Variants in LRMDA observed in about 807,000 individuals in gnomAD.
LRMDA encodes the protein leucine-rich melanocyte differentiation-associated protein.
In LRMDA, 18 loss-of-function variants were observed where a neutral mutation model predicts 29.8. The observed-to-expected ratio is 0.60, with a 90% CI of 0.42 to 0.90. The LOEUF (loss-of-function observed/expected upper bound fraction) is 0.90, where lower values mean the gene tolerates loss of function less well. Among genes scored for constraint, LRMDA ranks in the 40% least tolerant of loss-of-function variants. The pLI is 0.00. For missense variants in LRMDA, 273 were observed against 273.9 expected (o/e 1.00, Z 0.02); for synonymous variants, 125 against 109.4 (o/e 1.14, Z -0.89).
At chr10:75,611,235 G>C (rs1841027926) in intron 2 of LRMDA, among the ~76,000 whole-genome samples, 1 of 152,150 alleles carries the variant, frequency 6.6e-6, no homozygotes, top group Non-Finnish European at 1.5e-5. Context: ...GTGCAGCCCT[G>C]ATCTACTCTC....
chr10:76,102,484 T>C (rs956632536), intron 5 of LRMDA, among the ~76,000 whole-genome samples: 4 of 152,216 alleles, frequency 2.6e-5, no homozygotes, highest in African/African-American at 9.6e-5. Flanking sequence ...GAACCTGCAG[T>C]ATTTGGCTTT....
intron 2 of LRMDA, among the ~76,000 whole-genome samples, chr10:75,586,876 C>T (rs546372667): frequency 3.3e-5 from 5 of 151,248 alleles, no homozygotes; most frequent in African/African-American, 7.3e-5. Context: ...TGGAGATTAA[C>T]CTCTTATCAG....
intron 2 of LRMDA, among the ~76,000 whole-genome samples, chr10:75,802,333 G>A (rs28670899): frequency 7.4e-5 from 8 of 108,582 alleles, no homozygotes; most frequent in South Asian, 3.2e-4. Flanking sequence ...ACACACACAC[G>A]CGCACACACA....
chr10:76,119,533 C>A (rs1264016865), intron 5 of LRMDA, among the ~76,000 whole-genome samples: 1 of 152,062 alleles, frequency 6.6e-6, no homozygotes, highest in Non-Finnish European at 1.5e-5. Flanking sequence ...GGTTTTCTGC[C>A]CATCCTGTGA....
intron 2 of LRMDA, among the ~76,000 whole-genome samples, chr10:75,715,327 T>G (rs747504190): frequency 2.0e-4 from 31 of 152,158 alleles, no homozygotes; most frequent in Admixed American, 7.9e-4. Flanking sequence ...TTTTCCTTAT[T>G]ATAAAGACAA....
chr10:75,923,819 C>A (rs1428600101), intron 2 of LRMDA, among the ~76,000 whole-genome samples: 2 of 152,010 alleles, frequency 1.3e-5, no homozygotes, highest in Non-Finnish European at 2.9e-5. Context: ...CTTTTTTGCA[C>A]CCCTCCCTTA....
At chr10:75,491,170 T>G (rs1844982367) in intron 2 of LRMDA, among the ~76,000 whole-genome samples, 1 of 152,230 alleles carries the variant, frequency 6.6e-6, no homozygotes, top group South Asian at 2.1e-4. Flanking sequence ...TGTAGGCATT[T>G]TATTATGTAG....
intron 2 of LRMDA, among the ~76,000 whole-genome samples, chr10:75,823,283 T>C (rs565579022): frequency 3.6e-4 from 55 of 152,004 alleles, no homozygotes; most frequent in African/African-American, 1.1e-3. Context: ...AATAACCCAT[T>C]AAAAAGTGGG....
chr10:76,133,848 G>T (rs113052701), intron 5 of LRMDA, among the ~76,000 whole-genome samples: 4 of 152,266 alleles, frequency 2.6e-5, no homozygotes, highest in South Asian at 2.1e-4. Flanking sequence ...GGATGGGAAG[G>T]GGGGAGATGA....
At chr10:75,521,794 TCA>T in intron 2 of LRMDA, among the ~76,000 whole-genome samples, 1 of 152,356 alleles carries the variant, frequency 6.6e-6, no homozygotes, top group South Asian at 2.1e-4. Context: ...TCTGCATTGA[TCA>T]CACTAGGAGC....
In LRMDA at chr10:76,360,613, C is replaced by A. The variant is rs567378325; in HGVS notation, c.601+36128C>A. ...AAGGTTTATAACAATTTCTAACCAA[C>A]TTGTTTAATCCCCACAGTTCTGTGA... On this transcript the variant is annotated intron_variant, in intron 6 of 6. Transcript: ENST00000611255. Among the ~76,000 whole-genome samples, 19 of 152,272 alleles carry A rather than the reference C, an allele frequency of 1.2e-4. No homozygotes were observed. The South Asian group carries it at 3.9e-3, about 32-fold the overall frequency.
intron 5 of LRMDA, among the ~76,000 whole-genome samples, chr10:76,225,386 C>T (rs573144813): frequency 1.3e-5 from 2 of 151,914 alleles, no homozygotes; most frequent in Admixed American, 1.3e-4. Flanking sequence ...CACCGCACTC[C>T]AGCCTCAGTG....
intron 6 of LRMDA, among the ~76,000 whole-genome samples, chr10:76,364,612 G>A (rs1841366822): frequency 6.6e-6 from 1 of 152,044 alleles, no homozygotes; most frequent in Admixed American, 6.6e-5. Flanking sequence ...AGGGAAAAAG[G>A]ATATTAATTA....
chr10:76,180,385 T>C (rs1851024333), intron 5 of LRMDA, among the ~76,000 whole-genome samples: 1 of 146,970 alleles, frequency 6.8e-6, no homozygotes, highest in African/African-American at 2.5e-5. Flanking sequence ...GTTCAAACAA[T>C]TTTCCTCCCT....
At chr10:75,832,249 A>C (rs1844358635) in intron 2 of LRMDA, among the ~76,000 whole-genome samples, 2 of 152,186 alleles carry the variant, frequency 1.3e-5, no homozygotes, top group Non-Finnish European at 2.9e-5. Context: ...CTGCTGAGAA[A>C]TTTCTTCCAC....
intron 2 of LRMDA, among the ~76,000 whole-genome samples, chr10:75,988,823 T>C (rs1377438088): frequency 6.6e-6 from 1 of 152,184 alleles, no homozygotes; most frequent in East Asian, 1.9e-4. Context: ...TCCATGCCAG[T>C]GGGTGCGGCC....
chr10:76,427,976 C>G (rs1842147266), intron 6 of LRMDA, among the ~76,000 whole-genome samples: 1 of 152,142 alleles, frequency 6.6e-6, no homozygotes, highest in Non-Finnish European at 1.5e-5. Context: ...GGTGGATACG[C>G]TTTTTGATGT....
At chr10:76,063,992 C>G (rs1848744352) in intron 5 of LRMDA, among the ~76,000 whole-genome samples, 1 of 152,138 alleles carries the variant, frequency 6.6e-6, no homozygotes, top group African/African-American at 2.4e-5. Context: ...AGTACCTAGT[C>G]TATAGCAGAG....
intron 6 of LRMDA, among the ~76,000 whole-genome samples, chr10:76,465,818 C>T (rs1481281127): frequency 6.6e-6 from 1 of 151,896 alleles, no homozygotes; most frequent in Middle Eastern, 3.2e-3. Flanking sequence ...TTGTTTGTGG[C>T]CTCTCCCCTC....
Sources: allele counts gnomAD v4.1 joint callset (sites outside exome capture counted in the v4.1 genomes callset), GRCh38; gene constraint gnomAD v4.1.1; transcripts MANE v1.5; gene names NCBI Gene and HGNC (gene_info 2026-07-23, HGNC 2026-07-21).